Variants in IL4 observed in about 807,000 individuals in gnomAD.
IL4 encodes interleukin-4.
Under a neutral mutation model 17.4 loss-of-function variants are expected in IL4, and 10 were observed. The observed-to-expected ratio is 0.57, with a 90% CI of 0.35 to 0.97. IL4 has a LOEUF of 0.97. Among genes scored for constraint, IL4 ranks in the 50% least tolerant of loss-of-function variants. The pLI is 0.01. For synonymous variants in IL4, 87 were observed against 79.0 expected (o/e 1.10, Z -0.54); for missense variants, 174 against 187.7 (o/e 0.93, Z 0.43).
At chr5:132,675,259 G>A (rs1752355671) in intron 2 of IL4, among the ~76,000 whole-genome samples, 2 of 152,178 alleles carry the variant, frequency 1.3e-5, no homozygotes, top group South Asian at 4.1e-4. Flanking sequence ...ATAGTTTTGT[G>A]CATTTCAGTT....
chr5:132,679,940 C>T, intron 3 of IL4, 50 bp downstream of exon 3: 2 of 1,508,296 alleles, frequency 1.3e-6, no homozygotes, highest in African/African-American at 1.4e-5. Flanking sequence ...TCCTGGTGGA[C>T]AGCAGCCTCA....
chr5:132,675,802 G>C (rs1027793801), intron 2 of IL4, among the ~76,000 whole-genome samples: 4 of 151,448 alleles, frequency 2.6e-5, no homozygotes, highest in African/African-American at 9.7e-5. Flanking sequence ...CGTCCACCTC[G>C]GCCTCTCAAA....
At chr5:132,681,182 G>T (rs898542675) in intron 3 of IL4, among the ~76,000 whole-genome samples, 2 of 152,186 alleles carry the variant, frequency 1.3e-5, no homozygotes, top group African/African-American at 2.4e-5. Context: ...GAGATCAAAG[G>T]ACTGAGCCTG....
In IL4 at chr5:132,674,482, A is replaced by G. The variant is rs773572172; in HGVS notation, c.159A>G (p.Val53=). 2 of 1,614,174 alleles carry G rather than the reference A, an allele frequency of 1.2e-6. No homozygotes were observed. Among genetic ancestry groups the G allele is most frequent in the African/African-American group, 1.3e-5 (1 of 75,040 alleles). Reference sequence around the variant, plus strand: ...AGACTCTGTGCACCGAGTTGACCGTAACAGACATCTTTGCTGCCTCCAAGG... The same window carrying G: ...AGACTCTGTGCACCGAGTTGACCGTGACAGACATCTTTGCTGCCTCCAAGG... ...EQKTLCTELT[V]TDIFAASKNT... is the part of the protein sequence containing the mutation. The change falls in exon 2 of 4, where the codon GTA becomes GTG. Residue 53 remains valine, a synonymous_variant. Transcript: ENST00000231449.
chr5:132,681,115 T>C (rs752412983), intron 3 of IL4, among the ~76,000 whole-genome samples: 3 of 151,998 alleles, frequency 2.0e-5, no homozygotes, highest in Non-Finnish European at 2.9e-5. Flanking sequence ...GAACTTGCAA[T>C]ACAAAAAGGA....
At chr5:132,678,464 A>G (rs1309801733) in intron 2 of IL4, among the ~76,000 whole-genome samples, 1 of 152,252 alleles carries the variant, frequency 6.6e-6, no homozygotes, top group Admixed American at 6.5e-5. Context: ...TTTGTTGAAT[A>G]TATGTTACCT....
In IL4 at chr5:132,674,093, C is replaced by T. The variant is rs200256232; in HGVS notation, c.43C>T (p.Leu15=). 1.7e-4 allele frequency: 268 copies of T among 1,614,188 alleles called. 1 individual carries two copies. In the East Asian group the frequency reaches 5.5e-3, roughly 33 times the overall value. The change falls in exon 1 of 4, where the codon CTA becomes TTA. Residue 15 remains leucine (L), a synonymous_variant. Coordinates refer to ENST00000231449, the MANE Select transcript of IL4 (RefSeq NM_000589.4). ...ACTGCTTCCCCCTCTGTTCTTCCTG[C>T]TAGCATGTGCCGGCAACTTTGTCCA... is the stretch of plus-strand genomic sequence containing the variant. ...SQLLPPLFFL[L]ACAGNFVHGH...
chr5:132,681,344 T>C (rs1752484127), intron 3 of IL4, among the ~76,000 whole-genome samples: 1 of 152,054 alleles, frequency 6.6e-6, no homozygotes, highest in Admixed American at 6.5e-5. Context: ...TCAAATGTAC[T>C]GAAAGGACAG....
intron 2 of IL4, among the ~76,000 whole-genome samples, chr5:132,677,607 C>G (rs2243263): frequency 0.87 from 133,001 of 152,286 alleles, 58,195 homozygotes; most frequent in East Asian, 0.93. Flanking sequence ...AAAGTCCTTT[C>G]AAAAATATCT....
rs755205512 is a variant in IL4 at position 132,674,521 on chromosome 5, C to T, written c.183+15C>T. On this transcript the variant is annotated intron_variant, in intron 2 of 3. Transcript: ENST00000231449. ...CTGCCTCCAAGGTAAGAAGCCGTCCCACGGTCTGTTTTAGCAAATGGGGAG... is the reference window on the plus strand; with the variant it reads ...CTGCCTCCAAGGTAAGAAGCCGTCCTACGGTCTGTTTTAGCAAATGGGGAG... 4.9e-5 allele frequency: 79 copies of T among 1,611,128 alleles called. No homozygotes were observed. Among genetic ancestry groups the T allele is most frequent in the Non-Finnish European group, 1.0e-5 (12 of 1,177,370 alleles).
chr5:132,677,531 T>TTTAAA (rs1752403792), intron 2 of IL4, among the ~76,000 whole-genome samples: 1 of 152,214 alleles, frequency 6.6e-6, no homozygotes, highest in Admixed American at 6.5e-5. Flanking sequence ...TAGGATGCAT[T>TTTAAA]CTTTTAAAGT....
chr5:132,674,518 TC>T lies in IL4; in HGVS notation c.183+15del, dbSNP rs1156760912. The T allele has an allele frequency of 3.7e-6, 6 of 1,611,608 alleles. No homozygotes were observed. The highest frequency in any genetic ancestry group is 5.1e-6 in the Non-Finnish European group (6 of 1,177,716). On this transcript the variant is annotated intron_variant, in intron 2 of 3. Coordinates refer to ENST00000231449, the MANE Select transcript of IL4 (RefSeq NM_000589.4). The stretch of plus-strand genomic sequence containing the variant: ...TTGCTGCCTCCAAGGTAAGAAGCCG[TC>T]CCACGGTCTGTTTTAGCAAATGGGG...
In IL4 at chr5:132,674,119, C is replaced by G. The variant is rs201843425; in HGVS notation, c.69C>G (p.His23Gln). The change falls in exon 1 of 4, where the codon CAC becomes CAG. Residue 23 changes from histidine (H) to glutamine (Q), a missense_variant. His to Gln is a conservative substitution (Grantham distance 24). Transcript: ENST00000231449. ...TAGCATGTGCCGGCAACTTTGTCCA[C>G]GGACACAAGTGCGATATCACCTTAC... Reference protein sequence around the residue: ...FLLACAGNFVHGHKCDITLQE... With the variant: ...FLLACAGNFVQGHKCDITLQE... The G allele has an allele frequency of 6.2e-7, 1 of 1,614,044 alleles. No individual in the cohort carries two copies. The highest frequency in any genetic ancestry group is 1.7e-5 in the Admixed American group (1 of 60,012).
chr5:132,678,082 C>A (rs1396582035), intron 2 of IL4, among the ~76,000 whole-genome samples: 1 of 152,220 alleles, frequency 6.6e-6, no homozygotes, highest in African/African-American at 2.4e-5. Context: ...TGGGTCTAGA[C>A]TTTCCTGAAA....
At chr5:132,679,938 G>C (rs767340377) in intron 3 of IL4, 48 bp downstream of exon 3, 7 of 1,510,510 alleles carry the variant, frequency 4.6e-6, no homozygotes, top group Non-Finnish European at 6.3e-6. Context: ...GCTCCTGGTG[G>C]ACAGCAGCCT....
rs567241794 is a variant in IL4 at position 132,675,777 on chromosome 5, T to C, written c.183+1271T>C. 3.3e-5 allele frequency among the ~76,000 whole-genome samples: 5 copies of C among 152,156 alleles called. No individual in the cohort carries two copies. The South Asian group carries it at 1.0e-3, about 32-fold the overall frequency. On this transcript the variant is annotated intron_variant, in intron 2 of 3. Transcript: ENST00000231449. ...TTTGCCCAGGCTTGTCTCGAACTTC[T>C]GGGCTCAAGCAATCCGTCCACCTCG...
intron 3 of IL4, among the ~76,000 whole-genome samples, chr5:132,681,698 G>C (rs1752491382): frequency 6.6e-6 from 1 of 152,164 alleles, no homozygotes; most frequent in African/African-American, 2.4e-5. Context: ...TTAGGGGGCA[G>C]AAGTCCTTGT....
chr5:132,678,851 C>T (rs190698974), intron 2 of IL4, among the ~76,000 whole-genome samples: 2 of 152,362 alleles, frequency 1.3e-5, no homozygotes, highest in East Asian at 3.9e-4. Flanking sequence ...CAGACTGAGA[C>T]ACAATCCCTC....
intron 2 of IL4, 35 bp from the exon 3 acceptor site, chr5:132,679,679 T>C: frequency 1.3e-6 from 2 of 1,569,540 alleles, no homozygotes; most frequent in South Asian, 2.3e-5. Context: ...CAAATGGAGC[T>C]GGCACATTGC....
Sources: gnomAD v4.1 joint callset for allele counts (sites outside exome capture counted in the v4.1 genomes callset) on GRCh38, gnomAD v4.1.1 for gene constraint, MANE v1.5 for transcripts, NCBI Gene and HGNC (gene_info 2026-07-23, HGNC 2026-07-21) for gene names.